Variants in DTL observed in about 807,000 individuals in gnomAD.
DTL encodes denticleless E3 ubiquitin protein ligase adapter.
Under a neutral mutation model 87.0 loss-of-function variants are expected in DTL, and 46 were observed. That is an observed-to-expected ratio of 0.53 (90% confidence interval 0.42 to 0.68). The LOEUF is 0.68. Among genes scored for constraint, DTL ranks in the 30% least tolerant of loss-of-function variants. The pLI is 0.00. For synonymous variants in DTL, 308 were observed against 311.2 expected, an observed-to-expected ratio of 0.99 and a Z score of 0.11; for missense variants, 737 against 869.4, an observed-to-expected ratio of 0.85 and a Z score of 1.91.
chr1:212,037,740 G>A (rs1485855142), intron 1 of DTL, among the ~76,000 whole-genome samples: 2 of 152,172 alleles, frequency 1.3e-5, no homozygotes, highest in African/African-American at 4.8e-5. Context: ...GTGTATCAGC[G>A]AGTGACCTCG....
chr1:212,056,783 A>G (rs1358601340), intron 5 of DTL, among the ~76,000 whole-genome samples: 1 of 152,162 alleles, frequency 6.6e-6, no homozygotes, highest in Non-Finnish European at 1.5e-5. Flanking sequence ...GGAATCTACC[A>G]AAGAGATAGG....
chr1:212,078,136 A>G (rs1234950414), intron 11 of DTL, 37 bp from the exon 12 acceptor site: 2 of 1,280,474 alleles, frequency 1.6e-6, no homozygotes, highest in Admixed American at 1.7e-5. Context: ...GAAATCTAAT[A>G]TTGCTTTGCT....
chr1:212,092,322 G>C (rs1371636289), intron 13 of DTL, among the ~76,000 whole-genome samples: 1 of 152,142 alleles, frequency 6.6e-6, no homozygotes, highest in African/African-American at 2.4e-5. Context: ...ATCACCTGAG[G>C]TCAGGAATTC....
At chr1:212,080,845 T>C in intron 13 of DTL, 95 bp downstream of exon 13, 6 of 1,378,700 alleles carry the variant, frequency 4.4e-6, no homozygotes, top group East Asian at 2.3e-5. Context: ...TGCTTTGGTA[T>C]GTTTTTAAAG....
chr1:212,099,916 AAAGTT>A (rs1434909339), intron 13 of DTL, among the ~76,000 whole-genome samples: 1 of 152,194 alleles, frequency 6.6e-6, no homozygotes, highest in Non-Finnish European at 1.5e-5. Context: ...TGTAAAGAAA[AAAGTT>A]GAGATGTATA....
intron 3 of DTL, among the ~76,000 whole-genome samples, chr1:212,046,557 G>T (rs1667812949): frequency 6.6e-6 from 1 of 152,054 alleles, no homozygotes; most frequent in Non-Finnish European, 1.5e-5. Flanking sequence ...TTTTCTGTTT[G>T]TGCATTAGTT....
At chr1:212,043,309 A>G (rs1258164384) in intron 2 of DTL, among the ~76,000 whole-genome samples, 191 bp downstream of exon 2, 3 of 152,230 alleles carry the variant, frequency 2.0e-5, no homozygotes, top group Non-Finnish European at 4.4e-5. Context: ...TAGCATAACT[A>G]TATTTCCTCT....
intron 2 of DTL, among the ~76,000 whole-genome samples, 169 bp from the exon 3 acceptor site, chr1:212,044,491 C>T (rs1667750218): frequency 6.6e-6 from 1 of 152,036 alleles, no homozygotes; most frequent in Admixed American, 6.6e-5. Flanking sequence ...GTAATCCCAC[C>T]TACTTGGGAT....
At chr1:212,062,584 G>A (rs1654360577) in intron 5 of DTL, among the ~76,000 whole-genome samples, 1 of 152,102 alleles carries the variant, frequency 6.6e-6, no homozygotes, top group African/African-American at 2.4e-5. Flanking sequence ...AGAATAAGAA[G>A]CACTCTGTAT....
chr1:212,044,796 A>G (rs1667762972), intron 3 of DTL, 38 bp downstream of exon 3: 1 of 1,213,652 alleles, frequency 8.2e-7, no homozygotes, highest in Non-Finnish European at 1.2e-6. Flanking sequence ...TAACATTTAA[A>G]AAACTTTACA....
chr1:212,055,836 A>G (rs1571950521), intron 5 of DTL, among the ~76,000 whole-genome samples: 1 of 152,152 alleles, frequency 6.6e-6, no homozygotes, highest in Non-Finnish European at 1.5e-5. Flanking sequence ...CATACACGCC[A>G]CTACCCAAGC....
intron 1 of DTL, among the ~76,000 whole-genome samples, chr1:212,038,842 G>A (rs1176721669): frequency 6.6e-6 from 1 of 152,026 alleles, no homozygotes; most frequent in African/African-American, 2.4e-5. Context: ...ACCATATTGG[G>A]AATATTGACA....
At chr1:212,084,193 CTTTTTTTCTTTTCT>C (rs1336903376) in intron 13 of DTL, among the ~76,000 whole-genome samples, 42 of 103,016 alleles carry the variant, frequency 4.1e-4, no homozygotes, top group Admixed American at 1.8e-3. Flanking sequence ...TTTTTAATTT[CTTTTTTTCTTTTCT>C]TTTTTTTTTT....
chr1:212,091,501 A>G (rs550194934), intron 13 of DTL, among the ~76,000 whole-genome samples: 78 of 152,336 alleles, frequency 5.1e-4, no homozygotes, highest in African/African-American at 1.3e-3. Flanking sequence ...CTGCACTCCA[A>G]TGTTCACTGC....
At chr1:212,096,673 A>G (rs1453431646) in intron 13 of DTL, among the ~76,000 whole-genome samples, 1 of 152,080 alleles carries the variant, frequency 6.6e-6, no homozygotes, top group South Asian at 2.1e-4. Flanking sequence ...TTAATGTTGC[A>G]TGGTTCTAAG....
chr1:212,076,617 G>A (rs1319017101), intron 11 of DTL, among the ~76,000 whole-genome samples: 1 of 152,118 alleles, frequency 6.6e-6, no homozygotes, highest in Non-Finnish European at 1.5e-5. Context: ...TTTCTACCAG[G>A]GATGCTCAGT....
chr1:212,081,166 G>A (rs921567260), intron 13 of DTL, among the ~76,000 whole-genome samples: 6 of 152,140 alleles, frequency 3.9e-5, no homozygotes, highest in Admixed American at 2.0e-4. Context: ...AAGGGAGAAG[G>A]GCAAGGGTGA....
intron 12 of DTL, 82 bp from the exon 13 acceptor site, chr1:212,080,533 G>A (rs1654959271): frequency 7.9e-7 from 1 of 1,273,072 alleles, no homozygotes; most frequent in Admixed American, 2.2e-5. Flanking sequence ...CCAGTCACAA[G>A]GCCTTAAGAC....
chr1:212,044,272 G>A (rs971036817), intron 2 of DTL, among the ~76,000 whole-genome samples: 4 of 152,170 alleles, frequency 2.6e-5, no homozygotes, highest in African/African-American at 4.8e-5. Flanking sequence ...CTAAATAAGA[G>A]ATTATCTGAA....
Sources: allele counts gnomAD v4.1 joint callset (sites outside exome capture counted in the v4.1 genomes callset), GRCh38; gene constraint gnomAD v4.1.1; transcripts MANE v1.5; gene names NCBI Gene and HGNC (gene_info 2026-07-23, HGNC 2026-07-21).